Variants in TIAM2 observed in about 807,000 individuals in gnomAD.
The protein encoded by TIAM2 is TIAM Rac1 associated GEF 2, also known as rho guanine nucleotide exchange factor TIAM2.
A neutral mutation model predicts 152.9 loss-of-function variants in TIAM2; 80 were observed. The observed-to-expected ratio is 0.52, with a 90% CI of 0.44 to 0.63. The LOEUF (loss-of-function observed/expected upper bound fraction) is 0.63. Ranked by LOEUF, TIAM2 falls within the 30% of genes least tolerant of loss-of-function variation. The pLI is 0.00. For missense variants in TIAM2, 1,965 were observed against 2,120.1 expected (o/e 0.93, Z 1.44); for synonymous variants, 804 against 838.0 (o/e 0.96, Z 0.70).
intron 1 of TIAM2, among the ~76,000 whole-genome samples, chr6:155,065,188 G>A (rs1347957130): frequency 2.0e-5 from 3 of 151,942 alleles, no homozygotes; most frequent in East Asian, 3.9e-4. Flanking sequence ...TGCTAACCTC[G>A]GGTGATCTGC....
chr6:155,234,204 C>T (rs762331869), intron 15 of TIAM2, among the ~76,000 whole-genome samples: 7 of 152,154 alleles, frequency 4.6e-5, no homozygotes, highest in Non-Finnish European at 8.8e-5. Context: ...GCCCCCATTT[C>T]AAGTGCCCGT....
At chr6:155,228,757 A>G (rs2115261736) in intron 15 of TIAM2, among the ~76,000 whole-genome samples, 2 of 152,084 alleles carry the variant, frequency 1.3e-5, no homozygotes, top group Admixed American at 1.3e-4. Context: ...AAATAAGGAA[A>G]CCGAGCAGAA....
intron 1 of TIAM2, among the ~76,000 whole-genome samples, chr6:155,031,202 A>G (rs1583160530): frequency 6.6e-6 from 1 of 152,206 alleles, no homozygotes; most frequent in Non-Finnish European, 1.5e-5. Context: ...TGTAACACCT[A>G]TTCACTTCTT....
chr6:155,173,409 A>G (rs1005064561), intron 9 of TIAM2, among the ~76,000 whole-genome samples: 8 of 152,156 alleles, frequency 5.3e-5, no homozygotes, highest in African/African-American at 1.9e-4. Flanking sequence ...AATGGATTTT[A>G]ATAGGATTAT....
intron 2 of TIAM2, among the ~76,000 whole-genome samples, chr6:155,114,877 G>A (rs1206716974): frequency 2.0e-5 from 3 of 151,930 alleles, no homozygotes; most frequent in Admixed American, 1.3e-4. Context: ...ACCCAGGCTG[G>A]AGTGCAGTGG....
At chr6:155,029,171 ATATGTACTATGTGTTATATACACTG>A (rs1183006699) in intron 1 of TIAM2, among the ~76,000 whole-genome samples, 6,197 of 95,486 alleles carry the variant, frequency 0.065, 50 homozygotes, top group East Asian at 0.089. Context: ...TATATACACT[ATATGTACTATGTGTTATATACACTG>A]TATGTACTAT....
At chr6:155,005,791 A>G (rs1778391444) in intron 1 of TIAM2, among the ~76,000 whole-genome samples, 2 of 151,420 alleles carry the variant, frequency 1.3e-5, no homozygotes, top group African/African-American at 4.9e-5. Context: ...GAGGGATTGC[A>G]GGCGCCTGCC....
intron 2 of TIAM2, among the ~76,000 whole-genome samples, chr6:155,093,457 A>C (rs960013941): frequency 6.6e-6 from 1 of 152,230 alleles, no homozygotes; most frequent in Non-Finnish European, 1.5e-5. Flanking sequence ...TGGTAAGCTT[A>C]GCAGGGAACC....
chr6:155,133,216 A>G (rs544988947), intron 4 of TIAM2, among the ~76,000 whole-genome samples: 1 of 152,262 alleles, frequency 6.6e-6, no homozygotes, highest in South Asian at 2.1e-4. Context: ...GCATGCTGGC[A>G]TGTGCCTGTT....
At chr6:155,251,908 T>A in intron 22 of TIAM2, 37 bp from the exon 23 acceptor site, 1 of 1,542,008 alleles carries the variant, frequency 6.5e-7, no homozygotes, top group Non-Finnish European at 8.9e-7. Flanking sequence ...AGAGTTTGCA[T>A]AAAATAAAGA....
In TIAM2 at chr6:155,176,818, C is replaced by T. The variant is rs931653623; in HGVS notation, c.2364C>T (p.Val788=). 2 of 1,605,936 alleles carry T rather than the reference C, an allele frequency of 1.2e-6. No individual in the cohort carries two copies. Among genetic ancestry groups the T allele is most frequent in the African/African-American group, 1.3e-5 (1 of 74,344 alleles). ...GKEKRPSITQ[V]DELLHIYGST... The stretch of plus-strand genomic sequence containing the variant: ...TTTCTTTTGGCATCTACAAACAGGT[C>T]GATGAACTTCTGCATATATATGGTT... The change falls in exon 10 of 27, where the codon GTC becomes GTT. Residue 788 remains valine (V), a splice_region_variant and synonymous_variant. Transcript: ENST00000682666.
chr6:155,049,030 A>G (rs1211040915), intron 1 of TIAM2, among the ~76,000 whole-genome samples: 1 of 151,858 alleles, frequency 6.6e-6, no homozygotes, highest in Non-Finnish European at 1.5e-5. Flanking sequence ...CGAACTCCTG[A>G]CCTCAAGTGA....
chr6:155,244,720 C>T lies in TIAM2; in HGVS notation c.3480C>T (p.Thr1160=). Residue 1160 remains threonine (T), a synonymous_variant, in exon 18 of 27, where the codon ACC becomes ACT. Transcript: ENST00000682666. ...MLEFQKVFLE[T]LEDGISASSD... ...AGTTTCAGAAGGTGTTTCTGGAGAC[C>T]CTGGAGGATGGGATTTCAGCATCAT... 6.2e-7 allele frequency: 1 copy of T among 1,613,708 alleles called. No homozygotes were observed. Among genetic ancestry groups the T allele is most frequent in the Non-Finnish European group, 8.5e-7 (1 of 1,179,876 alleles).
intron 15 of TIAM2, among the ~76,000 whole-genome samples, chr6:155,235,027 G>C (rs934674868): frequency 2.7e-5 from 4 of 150,310 alleles, no homozygotes; most frequent in Admixed American, 6.6e-5. Flanking sequence ...TAGAGACAGA[G>C]CACAGCTAGA....
At chr6:155,190,814 T>G (rs1781180601) in intron 14 of TIAM2, among the ~76,000 whole-genome samples, 1 of 151,636 alleles carries the variant, frequency 6.6e-6, no homozygotes, top group Admixed American at 6.6e-5. Flanking sequence ...AAGAGGAAAC[T>G]TTACAGCCTG....
At chr6:155,015,966 A>C (rs1290514524) in intron 1 of TIAM2, among the ~76,000 whole-genome samples, 3,344 of 151,344 alleles carry the variant, frequency 0.022, 185 homozygotes, top group African/African-American at 0.077. Context: ...AAAAAAAAAA[A>C]AAAAAAACTC....
Position 155,137,524 on chromosome 6 carries a change from C to A in TIAM2, c.1542C>A (p.Phe514Leu). 1.9e-6 allele frequency: 3 copies of A among 1,614,002 alleles called. No homozygotes were observed. The highest frequency in any genetic ancestry group is 2.5e-6 in the Non-Finnish European group (3 of 1,180,032). Residue 514 changes from phenylalanine (F) to leucine (L), a missense_variant, in exon 5 of 27, where the codon TTC (phenylalanine) becomes TTA (leucine). Phe to Leu is a conservative substitution (Grantham distance 22). Around this residue, in one of 3 missense-constraint regions of TIAM2, gnomAD observed 1,025 missense variants for 1,119.4 expected, o/e 0.92. Transcript: ENST00000682666. ...QGVVRKAGWL[F>L]FKPLVTVQKE... ...TGGTCCGGAAGGCCGGGTGGCTCTT[C>A]TTCAAGCCCCTGGTCACTGTGCAGA...
At chr6:155,028,908 C>T (rs1776715935) in intron 1 of TIAM2, among the ~76,000 whole-genome samples, 1 of 110,426 alleles carries the variant, frequency 9.1e-6, no homozygotes, top group Non-Finnish European at 1.7e-5. Flanking sequence ...ACTATCTATA[C>T]TATGTTATAT....
intron 15 of TIAM2, among the ~76,000 whole-genome samples, chr6:155,224,381 G>A (rs1305848503): frequency 6.6e-6 from 1 of 152,146 alleles, no homozygotes; most frequent in African/African-American, 2.4e-5. Context: ...TGAGGGAGGA[G>A]GGGTCATGGA....
Sources: gnomAD v4.1 joint callset for allele counts (sites outside exome capture counted in the v4.1 genomes callset) on GRCh38, gnomAD v4.1.1 for gene constraint, gnomAD v4.1.1 regional missense constraint, MANE v1.5 for transcripts, NCBI Gene and HGNC (gene_info 2026-07-23, HGNC 2026-07-21) for gene names.